Variants in SRPK3 observed in about 807,000 individuals in gnomAD.
SRPK3 encodes SFRS protein kinase 3.
SRPK3 carries 26 observed loss-of-function variants against 45.3 expected under a neutral mutation model. The observed-to-expected ratio is 0.57, with a 90% CI of 0.42 to 0.80. SRPK3 has a LOEUF of 0.80. SRPK3 is among the 30% of genes least tolerant of loss of function. The pLI, the probability that SRPK3 is intolerant of heterozygous loss-of-function variation, is 0.00. For missense variants in SRPK3, 536 were observed against 514.5 expected, an observed-to-expected ratio of 1.04 and a Z score of -0.40; for synonymous variants, 254 against 226.6, an observed-to-expected ratio of 1.12 and a Z score of -1.09.
In SRPK3 at chrX:153,785,595, C is replaced by G; in HGVS notation, c.*75C>G. 9.0e-7 allele frequency: 1 copy of G among 1,115,943 alleles called. No individual in the cohort carries two copies. The highest frequency in any genetic ancestry group is 1.2e-6 in the Non-Finnish European group (1 of 828,885). The allele number at this position is 1,115,943 out of a possible 1,213,427, so 92.0% of individuals were successfully genotyped here. A position where few individuals can be genotyped will look rare whatever the true frequency, so the allele number is the denominator to read the frequency against. On this transcript the variant is annotated 3_prime_UTR_variant, in exon 15 of 15. Transcript: ENST00000370101. ...GGACAGCTCCCACCACCCTGCTGGG[C>G]GCCAGTTCTCCACAACCACAGGGCA...
chrX:153,784,681 G>T, intron 11 of SRPK3, 69 bp from the exon 12 acceptor site: 1 of 1,132,593 alleles, frequency 8.8e-7, no homozygotes, highest in Non-Finnish European at 1.2e-6. Flanking sequence ...GGATCGGGGT[G>T]GGGCAGGAGT....
chrX:153,785,249 G>C, intron 14 of SRPK3, 76 bp downstream of exon 14: 1 of 1,181,342 alleles, frequency 8.5e-7, no homozygotes, highest in Non-Finnish European at 1.1e-6. Context: ...GCAACAGAGG[G>C]AACACTGGGT....
At position 153,784,083 on chromosome X, in the gene SRPK3, G is replaced by C. The variant is rs782313257; in HGVS notation, c.1017G>C (p.Gly339=). 1 of 1,209,363 alleles carries C rather than the reference G, an allele frequency of 8.3e-7. No individual in the cohort carries two copies. Among genetic ancestry groups the C allele is most frequent in the African/African-American group, 1.7e-5 (1 of 57,383 alleles). Residue 339 remains glycine, a synonymous_variant, in exon 10 of 15, where the codon GGG becomes GGC. Transcript: ENST00000370101. The stretch of plus-strand genomic sequence containing the variant: ...CAGCCTCTTCCTCCCCCGCCCCAGG[G>C]GGCGGCCGTAGCCTCAGCGCGGGCT... The part of the protein sequence containing the change: ...PSPASSSPAP[G]GGRSLSAGSQ...
chrX:153,781,286 C>T lies in SRPK3; in HGVS notation c.130C>T (p.Leu44=). 1.7e-6 allele frequency: 2 copies of T among 1,208,555 alleles called. No homozygotes were observed. The highest frequency in any genetic ancestry group is 5.9e-5 in the East Asian group (2 of 33,779). ...LALATPVPQM[L]QGLLGSDDEE... The stretch of plus-strand genomic sequence containing the variant: ...CCTGGCCACACCGGTGCCTCAGATG[C>T]TGCAGGGCCTTCTGGGCTCCGACGA... The change falls in exon 2 of 15, where the codon CTG becomes TTG. Residue 44 remains leucine (L), a synonymous_variant. Coordinates refer to ENST00000370101, the MANE Select transcript of SRPK3 (RefSeq NM_014370.4).
At position 153,781,540 on chromosome X, in the gene SRPK3, A is replaced by C. The variant is rs199915647; in HGVS notation, c.226A>C (p.Asn76His). The C allele has an allele frequency of 3.9e-4, 476 of 1,209,063 alleles. No homozygotes were observed. Among genetic ancestry groups the C allele is most frequent in the Non-Finnish European group, 2.9e-4 (261 of 894,834 alleles). ...YHPVKIGDVFNGRYHVVRKLG... is the reference protein window; with the variant it reads ...YHPVKIGDVFHGRYHVVRKLG... Reference sequence around the variant, plus strand: ...CCCTGTGAAGATCGGCGACGTGTTCAATGGGCGGTACCACGTGGTGCGCAA... The same window carrying C: ...CCCTGTGAAGATCGGCGACGTGTTCCATGGGCGGTACCACGTGGTGCGCAA... Residue 76 changes from asparagine (N) to histidine (H), a missense_variant, in exon 3 of 15, where the codon AAT (asparagine) becomes CAT (histidine). Asn to His is a moderately conservative substitution (Grantham distance 68). Transcript: ENST00000370101.
rs2092050647 is a variant in SRPK3, at chrX:153,781,349, G to A, written c.190+3G>A. On this transcript the variant is annotated splice_donor_region_variant and intron_variant, in intron 2 of 14. Transcript: ENST00000370101. ...AGACCCCAAAGACTACTGCAAGGGT[G>A]AGACTTGGCCTTGGGGACATGCGGC... 1.7e-6 allele frequency: 2 copies of A among 1,189,035 alleles called. No individual in the cohort carries two copies. Among genetic ancestry groups the A allele is most frequent in the Non-Finnish European group, 2.3e-6 (2 of 883,183 alleles).
intron 5 of SRPK3, among the ~76,000 whole-genome samples, chrX:153,782,515 C>T (rs1226702884): frequency 8.8e-6 from 1 of 113,611 alleles, no homozygotes; most frequent in African/African-American, 3.2e-5. Flanking sequence ...TGGGCTGGCC[C>T]GAGAGGCCTC....
rs782649337 is a variant in SRPK3, at chrX:153,781,143, C to A, written c.57C>A (p.Ser19Arg). The change falls in exon 1 of 15, where the codon AGC becomes AGA. Residue 19 changes from serine to arginine, a missense_variant and splice_region_variant. Physicochemically the swap from Ser to Arg is moderately radical, Grantham distance 110. Transcript: ENST00000370101. ...GDSGGSGGSSSSSQASCGPES... is the reference protein window; with the variant it reads ...GDSGGSGGSSRSSQASCGPES... ...GCGGCGGCAGCGGCGGCAGTAGCAG[C>A]AGGTAGGGCTCGGCTGGGGCACCCG... 1 of 1,160,288 alleles carries A rather than the reference C, an allele frequency of 8.6e-7. No individual in the cohort carries two copies. The highest frequency in any genetic ancestry group is 1.9e-5 in the South Asian group (1 of 52,014).
At chrX:153,781,460 G>A (rs1557066823) in intron 2 of SRPK3, 45 bp from the exon 3 acceptor site, 1 of 1,190,147 alleles carries the variant, frequency 8.4e-7, no homozygotes, top group Non-Finnish European at 1.1e-6. Context: ...GGGGCCCAGG[G>A]GAGTGAGAAC....
intron 11 of SRPK3, 152 bp downstream of exon 11, chrX:153,784,546 A>G (rs2092073436): frequency 6.7e-6 from 5 of 750,562 alleles, no homozygotes; most frequent in Admixed American, 2.9e-5. Flanking sequence ...CACTGGGGCC[A>G]TGGCCAAGGG....
rs782704062 is a variant in SRPK3 at position 153,782,644 on chromosome X, G to A, written c.476-128G>A. 2.2e-5 allele frequency: 12 copies of A among 550,791 alleles called. No individual in the cohort carries two copies. In the South Asian group the frequency reaches 3.2e-4, roughly 15 times the overall value. The allele number at this position is 550,791 out of a possible 1,213,427, so 45.4% of individuals were successfully genotyped here. On this transcript the variant is annotated intron_variant, in intron 5 of 14. Coordinates refer to ENST00000370101, the MANE Select transcript of SRPK3 (RefSeq NM_014370.4). ...GATGACACCAGCATAATGGTGACCA[G>A]GACTGCCCAGGGGAGGCCCTGCCTC...
At position 153,782,342 on chromosome X, in the gene SRPK3, G is replaced by A. The variant is rs2092057216; in HGVS notation, c.475+134G>A. The stretch of plus-strand genomic sequence containing the variant: ...TCCCAGTAACGGGAGCCTCTGGCAC[G>A]ACCCCGCCCCCAGGTAACTGTGTTT... On this transcript the variant is annotated intron_variant, in intron 5 of 14. Transcript: ENST00000370101. 18 of 521,922 alleles carry A rather than the reference G, an allele frequency of 3.4e-5. No homozygotes were observed. In the South Asian group the frequency reaches 4.8e-4, roughly 14 times the overall value. The allele number at this position is 521,922 out of a possible 1,213,427, so 43.0% of individuals were successfully genotyped here.
At position 153,785,463 on chromosome X, in the gene SRPK3, C is replaced by T. The variant is rs2092081685; in HGVS notation, c.1647C>T (p.Ile549=). Residue 549 remains isoleucine (I), a synonymous_variant, in exon 15 of 15, where the codon ATC becomes ATT. Transcript: ENST00000370101. ...SAFLLPMMEY[I]PEKRASAADC... ...TTCTGCTGCCCATGATGGAGTACAT[C>T]CCCGAAAAGCGGGCCAGTGCCGCTG... 2 of 1,210,909 alleles carry T rather than the reference C, an allele frequency of 1.7e-6. No homozygotes were observed. Among genetic ancestry groups the T allele is most frequent in the South Asian group, 1.8e-5 (1 of 57,021 alleles).
rs377530012 is a variant in SRPK3, at chrX:153,784,137, C to A, written c.1071C>A (p.Leu357=). Residue 357 remains leucine (L), a synonymous_variant, in exon 10 of 15, where the codon CTC becomes CTA. Transcript: ENST00000370101. The part of the protein sequence containing the change: ...GSQTSGFSGS[L]FSPASCSILS... ...AGACCTCAGGCTTCTCCGGCTCCCT[C>A]TTCTCTCCTGCCTCCTGCTCCATCC... The A allele has an allele frequency of 2.5e-6, 3 of 1,211,031 alleles. No individual in the cohort carries two copies. The East Asian group carries it at 8.9e-5, about 36-fold the overall frequency.
At position 153,783,254 on chromosome X, in the gene SRPK3, A is replaced by T. The variant is rs2092063514; in HGVS notation, c.774+3A>T. ...GCACTGCCCCCCAGGAGGTCTTGGT[A>T]AGTTGGGGGGCCCCTCTCTCCCATG... On this transcript the variant is annotated splice_donor_region_variant and intron_variant, in intron 8 of 14. Transcript: ENST00000370101. The T allele has an allele frequency of 8.4e-7, 1 of 1,185,207 alleles. No individual in the cohort carries two copies. The highest frequency in any genetic ancestry group is 1.1e-6 in the Non-Finnish European group (1 of 881,612).
Position 153,781,301 on chromosome X carries a change from G to C in SRPK3, c.145G>C (p.Gly49Arg). Residue 49 changes from glycine (G) to arginine (R), a missense_variant, in exon 2 of 15, where the codon GGC (glycine) becomes CGC (arginine). Physicochemically the swap from Gly to Arg is moderately radical, Grantham distance 125. Transcript: ENST00000370101. ...GCCTCAGATGCTGCAGGGCCTTCTG[G>C]GCTCCGACGACGAGGAACAGGAAGA... ...PVPQMLQGLL[G>R]SDDEEQEDPK... 7.5e-6 allele frequency: 9 copies of C among 1,206,919 alleles called. No homozygotes were observed. Among genetic ancestry groups the C allele is most frequent in the Non-Finnish European group, 1.0e-5 (9 of 893,237 alleles).
At position 153,783,197 on chromosome X, in the gene SRPK3, C is replaced by G. The variant is rs781926477; in HGVS notation, c.749-29C>G. 5.3e-5 allele frequency: 52 copies of G among 974,095 alleles called. 1 individual carries two copies. The highest frequency in any genetic ancestry group is 4.4e-4 in the East Asian group (14 of 31,631). The allele number at this position is 974,095 out of a possible 1,213,427, so 80.3% of individuals were successfully genotyped here. On this transcript the variant is annotated intron_variant, in intron 7 of 14. Coordinates refer to ENST00000370101, the MANE Select transcript of SRPK3 (RefSeq NM_014370.4). ...CTGAGTCTCTGTTCCTCCCTGTCCC[C>G]CCCCACCGCTCCCCACCTGCACTCC...
intron 10 of SRPK3, 21 bp downstream of exon 10, chrX:153,784,234 T>G (rs1436241951): frequency 8.3e-7 from 1 of 1,209,463 alleles, no homozygotes; most frequent in African/African-American, 1.7e-5. Flanking sequence ...TGGCAAGTGG[T>G]GGGCAGGCAG....
chrX:153,785,481 T>C lies in SRPK3; in HGVS notation c.1665T>C (p.Ser555=). 4.1e-6 allele frequency: 5 copies of C among 1,210,003 alleles called. No individual in the cohort carries two copies. Among genetic ancestry groups the C allele is most frequent in the East Asian group, 3.0e-5 (1 of 33,796 alleles). Residue 555 remains serine (S), a synonymous_variant, in exon 15 of 15, where the codon AGT becomes AGC. Transcript: ENST00000370101. ...MMEYIPEKRA[S]AADCLQHPWL... is the part of the protein sequence containing the mutation. ...AGTACATCCCCGAAAAGCGGGCCAG[T>C]GCCGCTGACTGCCTCCAGCACCCCT... is the stretch of plus-strand genomic sequence containing the variant.
Sources: allele counts gnomAD v4.1 joint callset (sites outside exome capture counted in the v4.1 genomes callset), GRCh38; gene constraint gnomAD v4.1.1; transcripts MANE v1.5; gene names NCBI Gene and HGNC (gene_info 2026-07-23, HGNC 2026-07-21).